Variants in FBXW8 observed in about 807,000 individuals in gnomAD.
The protein encoded by FBXW8 is F-box and WD repeat domain containing 8, also known as F-box/WD repeat-containing protein 8.
FBXW8 carries 57 observed loss-of-function variants against 65.3 expected under a neutral mutation model. That is an observed-to-expected ratio of 0.87 (90% CI 0.71 to 1.09). The LOEUF is 1.09. Among genes scored for constraint, FBXW8 ranks in the 50% least tolerant of loss-of-function variants. The pLI, the probability that FBXW8 is intolerant of heterozygous loss-of-function variation, is 0.00. For synonymous variants in FBXW8, 308 were observed against 330.2 expected (o/e 0.93, Z 0.73); for missense variants, 777 against 814.8 (o/e 0.95, Z 0.57).
intron 2 of FBXW8, among the ~76,000 whole-genome samples, chr12:116,939,659 G>A (rs562168320): frequency 4.9e-4 from 75 of 152,326 alleles, no homozygotes; most frequent in African/African-American, 1.6e-3. Flanking sequence ...AAAGGCATAT[G>A]TATGCCCAGG....
intron 2 of FBXW8, among the ~76,000 whole-genome samples, chr12:116,938,240 T>C (rs1229563844): frequency 6.6e-6 from 1 of 152,218 alleles, no homozygotes; most frequent in Non-Finnish European, 1.5e-5. Context: ...TATAGTTTGC[T>C]AAAGAAATTG....
At chr12:117,001,881 T>C (rs1429162654) in intron 7 of FBXW8, among the ~76,000 whole-genome samples, 1 of 152,218 alleles carries the variant, frequency 6.6e-6, no homozygotes, top group Non-Finnish European at 1.5e-5. Flanking sequence ...ACACCAGCAC[T>C]GAGACAAAAA....
intron 5 of FBXW8, 143 bp from the exon 6 acceptor site, chr12:116,985,063 G>T (rs73397478): frequency 3.2e-6 from 2 of 618,172 alleles, no homozygotes; most frequent in East Asian, 5.7e-5. Flanking sequence ...TATATGAAAC[G>T]TAAGTGATTT....
chr12:116,911,451 T>C (rs1318534035), intron 1 of FBXW8, 96 bp downstream of exon 1: 4 of 873,240 alleles, frequency 4.6e-6, no homozygotes, highest in Non-Finnish European at 6.0e-6. Flanking sequence ...TGTGTGCCAC[T>C]AGTTGCCCGA....
chr12:117,000,014 C>T (rs553925998), intron 7 of FBXW8, among the ~76,000 whole-genome samples: 29 of 135,870 alleles, frequency 2.1e-4, no homozygotes, highest in African/African-American at 7.1e-4. Flanking sequence ...GACGGAGTCT[C>T]GCTGTCTCCC....
rs1236161668 is a variant in FBXW8 at position 116,985,317 on chromosome 12, C to T, written c.947C>T (p.Thr316Ile). 3 of 1,614,130 alleles carry T rather than the reference C, an allele frequency of 1.9e-6. No individual in the cohort carries two copies. Among genetic ancestry groups the T allele is most frequent in the Non-Finnish European group, 2.5e-6 (3 of 1,180,054 alleles). ...AGCCAGGACGATGCAACCGTGGCCACAGCTTCTGCTTTTGATGTCGTGATG... is the reference window on the plus strand; with the variant it reads ...AGCCAGGACGATGCAACCGTGGCCATAGCTTCTGCTTTTGATGTCGTGATG... ...ALSQDDATVATASAFDVVMLS... is the reference protein window; with the variant it reads ...ALSQDDATVAIASAFDVVMLS... The change falls in exon 6 of 11, where the codon ACA becomes ATA. Residue 316 changes from threonine (T) to isoleucine (I), a missense_variant. By Grantham distance (89) the Thr-to-Ile change is moderately conservative. Coordinates refer to ENST00000652555, the MANE Select transcript of FBXW8 (RefSeq NM_153348.3).
intron 7 of FBXW8, among the ~76,000 whole-genome samples, chr12:117,009,514 C>G (rs1341778091): frequency 6.6e-6 from 1 of 152,156 alleles, no homozygotes; most frequent in Non-Finnish European, 1.5e-5. Flanking sequence ...TAATGAGGAG[C>G]CTTCTGAATG....
chr12:116,997,328 T>C (rs1262099657), intron 7 of FBXW8, among the ~76,000 whole-genome samples: 1 of 152,166 alleles, frequency 6.6e-6, no homozygotes, highest in African/African-American at 2.4e-5. Flanking sequence ...TCTCTAGGGA[T>C]CCTGGAAGGG....
At chr12:116,931,924 A>G (rs1057505662) in intron 2 of FBXW8, among the ~76,000 whole-genome samples, 2 of 152,046 alleles carry the variant, frequency 1.3e-5, no homozygotes, top group African/African-American at 4.8e-5. Flanking sequence ...TCCTTGTCTT[A>G]TTCCTGAAGA....
chr12:116,946,819 C>T (rs1310433011), intron 3 of FBXW8, among the ~76,000 whole-genome samples: 1 of 151,972 alleles, frequency 6.6e-6, no homozygotes, highest in Non-Finnish European at 1.5e-5. Flanking sequence ...AGAAAGCTGC[C>T]CAGATAAACA....
At chr12:117,013,190 T>C (rs1034313001) in intron 8 of FBXW8, among the ~76,000 whole-genome samples, 1 of 152,018 alleles carries the variant, frequency 6.6e-6, no homozygotes, top group Non-Finnish European at 1.5e-5. Context: ...TGCAGTGAGC[T>C]GAGATCACAC....
intron 4 of FBXW8, among the ~76,000 whole-genome samples, chr12:116,960,354 G>A (rs1592891639): frequency 6.6e-6 from 1 of 152,208 alleles, no homozygotes; most frequent in South Asian, 2.1e-4. Context: ...TCATAATGCA[G>A]TACCTGCTGC....
chr12:116,948,358 A>G (rs1883063350), intron 3 of FBXW8, among the ~76,000 whole-genome samples: 1 of 151,834 alleles, frequency 6.6e-6, no homozygotes, highest in African/African-American at 2.4e-5. Context: ...CCATATCTCC[A>G]CTTGTAGGAC....
intron 8 of FBXW8, among the ~76,000 whole-genome samples, chr12:117,010,732 A>G (rs558498312): frequency 1.3e-5 from 2 of 152,304 alleles, no homozygotes; most frequent in African/African-American, 4.8e-5. Flanking sequence ...ACCACTTGGA[A>G]TATCTTTTGT....
chr12:116,976,450 C>CTTTTT (rs35364851), intron 5 of FBXW8, among the ~76,000 whole-genome samples: 1 of 64,606 alleles, frequency 1.5e-5, no homozygotes, highest in Non-Finnish European at 2.8e-5. Context: ...CCAAAGGATC[C>CTTTTT]TTTTTTTTTT....
At chr12:116,985,484 A>G (rs1404812234) in intron 6 of FBXW8, 82 bp downstream of exon 6, 1 of 1,379,228 alleles carries the variant, frequency 7.3e-7, no homozygotes, top group African/African-American at 1.4e-5. Context: ...TGGTGTTGGT[A>G]ACTCCCATTC....
chr12:116,923,993 G>T (rs1280250575), intron 1 of FBXW8, among the ~76,000 whole-genome samples: 2 of 152,312 alleles, frequency 1.3e-5, no homozygotes, highest in East Asian at 3.9e-4. Context: ...GATTACAGGC[G>T]TGAGCCACTG....
chr12:116,984,500 CAG>C (rs368001411), intron 5 of FBXW8, among the ~76,000 whole-genome samples: 46 of 152,276 alleles, frequency 3.0e-4, no homozygotes, highest in African/African-American at 1.1e-3. Context: ...CTGCTGCTAA[CAG>C]AGGCTTTAGG....
chr12:117,003,859 CCTT>C (rs1953606237), intron 7 of FBXW8, among the ~76,000 whole-genome samples: 1 of 152,152 alleles, frequency 6.6e-6, no homozygotes, highest in South Asian at 2.1e-4. Flanking sequence ...AAGATCTTCT[CCTT>C]GTCTTTAATT....
Sources: gnomAD v4.1 joint callset for allele counts (sites outside exome capture counted in the v4.1 genomes callset) on GRCh38, gnomAD v4.1.1 for gene constraint, MANE v1.5 for transcripts, NCBI Gene and HGNC (gene_info 2026-07-23, HGNC 2026-07-21) for gene names.